Variants in LOC112694756 observed in about 807,000 individuals in gnomAD.
the LOC112694756 span, chr16:30,064,448 C>T: frequency 2.5e-6 from 1 of 398,608 alleles, no homozygotes; most frequent in African/African-American, 2.1e-5. Context: ...ATTTATTTCT[C>T]TTGACAACCA....
chr16:30,067,892 C>T, the LOC112694756 span: 2 of 595,882 alleles, frequency 3.4e-6, no homozygotes, highest in East Asian at 5.9e-5. Context: ...AAGTGTTTTG[C>T]TCAGAGTAAG....
the LOC112694756 span, chr16:30,069,722 C>T: frequency 1.9e-6 from 3 of 1,611,910 alleles, no homozygotes; most frequent in Non-Finnish European, 2.5e-6. Context: ...AAGCTCCACC[C>T]ACAACCCTAT....
chr16:30,069,489 T>C, the LOC112694756 span: 2 of 1,614,096 alleles, frequency 1.2e-6, no homozygotes, highest in African/African-American at 1.3e-5. Context: ...GTGCGCCTGC[T>C]CTGCTCCAGG....
At chr16:30,069,217 A>G in the LOC112694756 span, 1 of 1,487,598 alleles carries the variant, frequency 6.7e-7, no homozygotes, top group Non-Finnish European at 9.4e-7. Context: ...GGCATCATCA[A>G]GATACGGTCT....
chr16:30,067,564 G>T, the LOC112694756 span: 2 of 1,613,876 alleles, frequency 1.2e-6, no homozygotes, highest in Admixed American at 1.7e-5. Context: ...TGCATTGGGG[G>T]TGTCATCCTC....
the LOC112694756 span, chr16:30,069,231 C>A: frequency 6.6e-7 from 1 of 1,520,626 alleles, no homozygotes; most frequent in Non-Finnish European, 9.1e-7. Flanking sequence ...ACGGTCTTGA[C>A]CAGTGGCTGT....
the LOC112694756 span, chr16:30,069,676 G>T: frequency 6.2e-7 from 1 of 1,613,424 alleles, no homozygotes; most frequent in South Asian, 1.1e-5. Context: ...TGTCACTGGT[G>T]AGGCCCACAC....
chr16:30,067,256 T>C, the LOC112694756 span: 1 of 1,612,214 alleles, frequency 6.2e-7, no homozygotes, highest in African/African-American at 1.3e-5. Context: ...ACCAGCACCA[T>C]GCCCTACCAA....
chr16:30,058,772 A>G, the LOC112694756 span, among the ~76,000 whole-genome samples: 72 of 150,362 alleles, frequency 4.8e-4, no homozygotes, highest in Admixed American at 1.5e-3. Context: ...GTGAGCCACC[A>G]CGCCTGGCCT....
the LOC112694756 span, among the ~76,000 whole-genome samples, chr16:30,059,973 C>T: frequency 6.6e-6 from 1 of 151,626 alleles, no homozygotes; most frequent in Admixed American, 6.6e-5. Flanking sequence ...TATATTTTTT[C>T]ATTTTATTTT....
At chr16:30,068,925 G>A in the LOC112694756 span, 52 of 1,614,074 alleles carry the variant, frequency 3.2e-5, no homozygotes, top group South Asian at 1.3e-4. Context: ...CTCAGCCCTC[G>A]CCATCATGGA....
chr16:30,057,738 G>A, the LOC112694756 span, among the ~76,000 whole-genome samples: 55 of 152,250 alleles, frequency 3.6e-4, no homozygotes, highest in Non-Finnish European at 6.3e-4. Flanking sequence ...TTGGGGCTGA[G>A]GGGCAGAAGG....
At chr16:30,065,377 C>A in the LOC112694756 span, among the ~76,000 whole-genome samples, 4 of 152,176 alleles carry the variant, frequency 2.6e-5, no homozygotes, top group Non-Finnish European at 5.9e-5. Context: ...GCCGCGCGCG[C>A]TGGGCCTGGG....
the LOC112694756 span, among the ~76,000 whole-genome samples, chr16:30,065,307 T>C: frequency 6.6e-6 from 1 of 152,206 alleles, no homozygotes; most frequent in Non-Finnish European, 1.5e-5. Context: ...GACTGCGCGA[T>C]GTGGCCCCTA....
At chr16:30,067,283 C>G in the LOC112694756 span, 21 of 1,612,490 alleles carry the variant, frequency 1.3e-5, no homozygotes, top group Non-Finnish European at 1.6e-5. Context: ...GCACTGACCC[C>G]GGAGCAGAAG....
At chr16:30,068,720 C>G in the LOC112694756 span, 1 of 1,614,248 alleles carries the variant, frequency 6.2e-7, no homozygotes, top group Non-Finnish European at 8.5e-7. Flanking sequence ...GTTTGATTCT[C>G]TGCCCTACGA....
the LOC112694756 span, chr16:30,054,939 G>A: frequency 2.5e-6 from 1 of 399,054 alleles, no homozygotes; most frequent in Non-Finnish European, 4.4e-6. Context: ...TGAGGGGTCT[G>A]GTCGGGGATA....
chr16:30,068,814 T>C, the LOC112694756 span: 1 of 1,614,038 alleles, frequency 6.2e-7, no homozygotes, highest in African/African-American at 1.3e-5. Flanking sequence ...TCCTCTTCTC[T>C]TAGGGTTGGA....
the LOC112694756 span, among the ~76,000 whole-genome samples, chr16:30,063,186 G>A: frequency 6.6e-6 from 1 of 151,582 alleles, no homozygotes; most frequent in African/African-American, 2.4e-5. Context: ...CATTTTCAAA[G>A]ATACCTGTAA....
Sources: gnomAD v4.1 joint callset for allele counts (sites outside exome capture counted in the v4.1 genomes callset) on GRCh38, gnomAD v4.1.1 for gene constraint, MANE v1.5 for transcripts.